The following SNX18 variants were observed in gnomAD, a reference collection of about 807,000 sequenced individuals.
The protein encoded by SNX18 is sorting nexin-18.
In SNX18, 35 loss-of-function variants were observed where a neutral mutation model predicts 48.7. The observed-to-expected ratio is 0.72, with a 90% CI of 0.55 to 0.95. The LOEUF is 0.95. Ranked by LOEUF, SNX18 falls within the 40% of genes least tolerant of loss-of-function variation. The pLI is 0.00. For synonymous variants in SNX18, 492 were observed against 384.7 expected (o/e 1.28, Z -3.26); for missense variants, 824 against 871.0 (o/e 0.95, Z 0.68).
At chr5:54,521,687 A>G (rs1344485782) in intron 1 of SNX18, among the ~76,000 whole-genome samples, 2 of 152,180 alleles carry the variant, frequency 1.3e-5, no homozygotes, top group Non-Finnish European at 2.9e-5. Flanking sequence ...CTTGGGTGAC[A>G]GAGCAAGACC....
the SNX18 span, among the ~76,000 whole-genome samples, chr5:54,576,396 G>A: frequency 2.0e-5 from 3 of 152,242 alleles, no homozygotes; most frequent in Non-Finnish European, 2.9e-5. Context: ...ACCTATGGAT[G>A]CAGTGGTTTG....
At chr5:54,607,730 C>T in the SNX18 span, among the ~76,000 whole-genome samples, 20 of 152,082 alleles carry the variant, frequency 1.3e-4, no homozygotes, top group African/African-American at 2.4e-4. Context: ...GTCGGGAGTT[C>T]GCGACCAGCC....
chr5:54,590,945 G>C, the SNX18 span, among the ~76,000 whole-genome samples: 3 of 152,088 alleles, frequency 2.0e-5, no homozygotes, highest in African/African-American at 7.2e-5. Flanking sequence ...TCACTGGCAT[G>C]GCTTAGTGAA....
chr5:54,619,347 C>G, the SNX18 span, among the ~76,000 whole-genome samples: 1 of 152,044 alleles, frequency 6.6e-6, no homozygotes, highest in African/African-American at 2.4e-5. Flanking sequence ...CCCATCTCTA[C>G]AAAAAATACA....
At chr5:54,560,948 G>C in the SNX18 span, among the ~76,000 whole-genome samples, 3 of 152,148 alleles carry the variant, frequency 2.0e-5, no homozygotes. Context: ...ACCACCAAAG[G>C]GGTGACATCT....
chr5:54,587,597 A>G, the SNX18 span, among the ~76,000 whole-genome samples: 1 of 152,136 alleles, frequency 6.6e-6, no homozygotes, highest in East Asian at 1.9e-4. Flanking sequence ...GCATGCACTC[A>G]TTGTTGGTGC....
chr5:54,629,473 C>T, the SNX18 span, among the ~76,000 whole-genome samples: 7 of 152,150 alleles, frequency 4.6e-5, no homozygotes, highest in African/African-American at 1.4e-4. Context: ...ACTGTAGAAG[C>T]GTTTAAAATG....
chr5:54,539,333 C>G (rs1762419609), intron 1 of SNX18, among the ~76,000 whole-genome samples: 1 of 152,150 alleles, frequency 6.6e-6, no homozygotes, highest in African/African-American at 2.4e-5. Flanking sequence ...TGTAGTAAAA[C>G]TAGGAGTAAT....
chr5:54,548,392 A>C (rs1762607070), downstream of SNX18, among the ~76,000 whole-genome samples: 1 of 152,148 alleles, frequency 6.6e-6, no homozygotes, highest in South Asian at 2.1e-4. Context: ...CAGTGGTTTA[A>C]ATTTTCTCTC....
chr5:54,518,131 G>A lies in SNX18; in HGVS notation c.179G>A (p.Arg60His), dbSNP rs1326193788. 18 of 1,437,984 alleles carry A rather than the reference G, an allele frequency of 1.3e-5. No homozygotes were observed. Among genetic ancestry groups the A allele is most frequent in the Non-Finnish European group, 1.5e-5 (16 of 1,101,170 alleles). 89.1% of individuals were successfully genotyped at this position (1,437,984 alleles called of 1,614,324 possible). A position where few individuals can be genotyped will look rare whatever the true frequency, so the allele number is the denominator to read the frequency against. Residue 60 changes from arginine to histidine, a missense_variant, in exon 1 of 2, where the codon CGC becomes CAC. By Grantham distance (29) the Arg-to-His change is conservative. Transcript: ENST00000381410. ...LFPASYVQVI[R>H]APEPGPAGDG... ...CCGGCCTCCTATGTGCAGGTGATCC[G>A]CGCCCCCGAGCCTGGCCCGGCGGGA...
the SNX18 span, among the ~76,000 whole-genome samples, chr5:54,621,041 A>G: frequency 6.6e-6 from 1 of 152,066 alleles, no homozygotes; most frequent in Non-Finnish European, 1.5e-5. Context: ...TAAGGTTTAC[A>G]CCCCCAGTAA....
chr5:54,584,475 A>G, the SNX18 span, among the ~76,000 whole-genome samples: 1 of 152,172 alleles, frequency 6.6e-6, no homozygotes, highest in Non-Finnish European at 1.5e-5. Context: ...CACTTCAGCT[A>G]AAAGTGTGAT....
chr5:54,534,739 C>T (rs1191871814), intron 1 of SNX18, among the ~76,000 whole-genome samples: 1 of 151,658 alleles, frequency 6.6e-6, no homozygotes, highest in African/African-American at 2.4e-5. Flanking sequence ...AAGTTGTTCT[C>T]CCTGCAAATG....
At chr5:54,582,632 C>A in the SNX18 span, among the ~76,000 whole-genome samples, 7 of 151,410 alleles carry the variant, frequency 4.6e-5, no homozygotes, top group South Asian at 4.2e-4. Flanking sequence ...AAAACAACAA[C>A]AAAAAAAACA....
At position 54,517,854 on chromosome 5, in the gene SNX18, C is replaced by A. The variant is rs1761893865; in HGVS notation, c.-99C>A. 1 of 1,278,578 alleles carries A rather than the reference C, an allele frequency of 7.8e-7. No homozygotes were observed. The highest frequency in any genetic ancestry group is 2.9e-4 in the Middle Eastern group (1 of 3,504). The allele number at this position is 1,278,578 out of a possible 1,614,324, so 79.2% of individuals were successfully genotyped here. Reference sequence around the variant, plus strand: ...CGTGGGTTTGCCGCCTTCGGGGCTCCAGTCCGCGCGCCAGGGCTCGAGCAG... The same window carrying A: ...CGTGGGTTTGCCGCCTTCGGGGCTCAAGTCCGCGCGCCAGGGCTCGAGCAG... On this transcript the variant is annotated 5_prime_UTR_variant, in exon 1 of 2. Coordinates refer to ENST00000381410, the MANE Select transcript of SNX18 (RefSeq NM_001102575.2).
chr5:54,573,030 A>G, the SNX18 span, among the ~76,000 whole-genome samples: 3 of 151,818 alleles, frequency 2.0e-5, no homozygotes, highest in Non-Finnish European at 4.4e-5. Flanking sequence ...GGTTAAGGGA[A>G]TAGATTAATA....
chr5:54,578,623 C>G, the SNX18 span, among the ~76,000 whole-genome samples: 7 of 152,212 alleles, frequency 4.6e-5, no homozygotes, highest in Non-Finnish European at 1.0e-4. Context: ...AGTTGTACAG[C>G]AGCAGTGAGA....
the SNX18 span, among the ~76,000 whole-genome samples, chr5:54,593,798 C>G: frequency 1.3e-5 from 2 of 152,252 alleles, no homozygotes; most frequent in South Asian, 2.1e-4. Flanking sequence ...GTATAGTCCT[C>G]TCAACAAATG....
the SNX18 span, among the ~76,000 whole-genome samples, chr5:54,559,487 T>C: frequency 4.6e-5 from 7 of 152,214 alleles, no homozygotes; most frequent in African/African-American, 1.4e-4. Flanking sequence ...GACTCCCTAT[T>C]CAATAAATGG....
Sources: allele counts gnomAD v4.1 joint callset (sites outside exome capture counted in the v4.1 genomes callset), GRCh38; gene constraint gnomAD v4.1.1; transcripts MANE v1.5; gene names NCBI Gene and HGNC (gene_info 2026-07-23, HGNC 2026-07-21).